Variants in ZNF695 observed in about 807,000 individuals in gnomAD.
ZNF695 encodes zinc finger protein 695, also known as zinc finger protein SBZF3.
Under a neutral mutation model 11.2 loss-of-function variants are expected in ZNF695, and 11 were observed. The observed-to-expected ratio is 0.98, with a 90% CI of 0.62 to 1.62. ZNF695 has a LOEUF of 1.62. Ranked by LOEUF, ZNF695 falls within the 40% of genes most tolerant of loss-of-function variation. ZNF695 has a pLI of 0.00. For synonymous variants in ZNF695, 190 were observed against 201.4 expected (o/e 0.94, Z 0.48); for missense variants, 559 against 590.5 (o/e 0.95, Z 0.55).
In ZNF695 at chr1:246,974,167, A is replaced by AC. The variant is rs755622027; in HGVS notation, c.391-6376_391-6375insG. Among the ~76,000 whole-genome samples the AC allele has an allele frequency of 9.0e-4, 137 of 151,924 alleles. 2 individuals are homozygous for AC. The highest frequency in any genetic ancestry group is 3.0e-3 in the African/African-American group (125 of 41,492). ...TAAAAAACAAACAAACAAACAAAAA[A>AC]AAACAAACAAAAAACAACAACAAAA... On this transcript the variant is annotated intron_variant, in intron 4 of 5. Transcript: ENST00000487338.
intron 5 of ZNF695, among the ~76,000 whole-genome samples, chr1:246,956,382 G>T (rs148057182): frequency 0.083 from 12,620 of 151,542 alleles, 937 homozygotes; most frequent in African/African-American, 0.2. Context: ...CTGGGAGGCT[G>T]AGGCAGGCAG....
chr1:246,958,470 C>G (rs1213689206), intron 5 of ZNF695, among the ~76,000 whole-genome samples: 1 of 152,134 alleles, frequency 6.6e-6, no homozygotes, highest in Non-Finnish European at 1.5e-5. Context: ...TTTTCCTTCT[C>G]TCTTGGGATC....
intron 5 of ZNF695, among the ~76,000 whole-genome samples, chr1:246,947,336 GCTTC>G (rs1224014042): frequency 1.3e-5 from 2 of 151,814 alleles, no homozygotes; most frequent in African/African-American, 4.8e-5. Context: ...CAATCCCCCT[GCTTC>G]AGCCTCTTGA....
rs1668821122 is a variant in ZNF695 at position 246,985,397 on chromosome 1, T to C, written c.*1570A>G. On this transcript the variant is annotated 3_prime_UTR_variant, in exon 4 of 4. Coordinates refer to ENST00000339986, the MANE Select transcript of ZNF695 (RefSeq NM_020394.5). ...GTCATTACAAAAAGAGCAAACAGAATGAAGGTGTAACGTGTGGGAACAATA... is the reference window on the plus strand; with the variant it reads ...GTCATTACAAAAAGAGCAAACAGAACGAAGGTGTAACGTGTGGGAACAATA... The C allele has an allele frequency of 1.0e-6, 1 of 985,334 alleles. No individual in the cohort carries two copies. Among genetic ancestry groups the C allele is most frequent in the Non-Finnish European group, 1.2e-6 (1 of 829,884 alleles). 61.0% of individuals were successfully genotyped at this position (985,334 alleles called of 1,614,324 possible). A position where few individuals can be genotyped will look rare whatever the true frequency, so the allele number is the denominator to read the frequency against.
intron 3 of ZNF695, among the ~76,000 whole-genome samples, chr1:246,994,449 G>A (rs1455831220): frequency 6.6e-6 from 1 of 152,138 alleles, no homozygotes; most frequent in Non-Finnish European, 1.5e-5. Context: ...GCTGAGGCAG[G>A]AGAATCGCTT....
chr1:247,002,013 C>A (rs1019167968), intron 1 of ZNF695, among the ~76,000 whole-genome samples: 1 of 152,050 alleles, frequency 6.6e-6, no homozygotes, highest in Non-Finnish European at 1.5e-5. Context: ...ACAGAACACT[C>A]CATTCAACAA....
At chr1:246,983,818 AAAAC>A (rs545442322), downstream of ZNF695, among the ~76,000 whole-genome samples, 3 of 150,326 alleles carry the variant, frequency 2.0e-5, no homozygotes, top group Non-Finnish European at 3.0e-5. Context: ...ACTCAGTCTC[AAAAC>A]AAACAAACAA....
chr1:246,987,579 A>C lies in ZNF695; in HGVS notation c.936T>G (p.Thr312=). The C allele has an allele frequency of 6.3e-7, 1 of 1,598,026 alleles. No individual in the cohort carries two copies. The highest frequency in any genetic ancestry group is 8.5e-7 in the Non-Finnish European group (1 of 1,174,126). The change falls in exon 4 of 4, where the codon ACT becomes ACG. Residue 312 remains threonine (T), a synonymous_variant. Coordinates refer to ENST00000339986, the MANE Select transcript of ZNF695 (RefSeq NM_020394.5). ...CTCTACTATGAATTCTCTTGTGTTG[A>C]GTAAGGTATGGGAACAACTTAAAGG... is the stretch of plus-strand genomic sequence containing the variant. The part of the protein sequence containing the change: ...GKSFKLFPYL[T]QHKRIHSREK...
At chr1:246,989,173 G>A (rs1668950520) in intron 3 of ZNF695, among the ~76,000 whole-genome samples, 1 of 151,764 alleles carries the variant, frequency 6.6e-6, no homozygotes. Flanking sequence ...GCTGAGGCAG[G>A]AGAATCGCTT....
intron 5 of ZNF695, chr1:246,945,949 G>T: frequency 7.9e-7 from 1 of 1,271,350 alleles, no homozygotes; most frequent in Non-Finnish European, 1.1e-6. Flanking sequence ...AAGTCTGTCT[G>T]TCCCTTGCCA....
At chr1:246,959,282 CAAAAAAAAAAAAAAAA>C (rs1189262229) in intron 5 of ZNF695, among the ~76,000 whole-genome samples, 1 of 7,428 alleles carries the variant, frequency 1.3e-4, no homozygotes, top group Non-Finnish European at 2.1e-4. Flanking sequence ...GACCCTGTCT[CAAAAAAAAAAAAAAAA>C]AAAAAAAAAA....
At chr1:246,980,449 C>G (rs1030965845), downstream of ZNF695, among the ~76,000 whole-genome samples, 1 of 143,576 alleles carries the variant, frequency 7.0e-6, no homozygotes, top group South Asian at 2.2e-4. Flanking sequence ...CAGACTCTTA[C>G]TCTGTCGCTC....
chr1:246,995,562 G>A (rs2103028581), intron 3 of ZNF695, among the ~76,000 whole-genome samples: 1 of 152,250 alleles, frequency 6.6e-6, no homozygotes, highest in East Asian at 1.9e-4. Flanking sequence ...ACGCGCAGTG[G>A]CTCATGCCTG....
At position 246,986,992 on chromosome 1, in the gene ZNF695, G is replaced by T; in HGVS notation, c.1523C>A (p.Ala508Asp). 1 of 1,590,390 alleles carries T rather than the reference G, an allele frequency of 6.3e-7. No homozygotes were observed. The highest frequency in any genetic ancestry group is 8.5e-7 in the Non-Finnish European group (1 of 1,171,012). ...TCAGGTATGAGTTTTCTCATGTACA[G>T]CAAGTTGTGCAGAGTGGTTAAAGGC... ...GKAFNHSAQL[A>D]VHEKTHT The change falls in exon 4 of 4, where the codon GCT becomes GAT. Residue 508 changes from alanine (A) to aspartate (D), a missense_variant. Physicochemically the swap from Ala to Asp is moderately radical, Grantham distance 126. Transcript: ENST00000339986.
At chr1:246,954,708 C>T (rs896557120) in intron 5 of ZNF695, among the ~76,000 whole-genome samples, 21 of 152,272 alleles carry the variant, frequency 1.4e-4, no homozygotes, top group Admixed American at 3.3e-4. Flanking sequence ...CTGGATTAGA[C>T]GATCTCTCAG....
chr1:246,974,142 TAA>T (rs963537852), intron 4 of ZNF695, among the ~76,000 whole-genome samples: 4 of 83,248 alleles, frequency 4.8e-5, no homozygotes, highest in Non-Finnish European at 8.9e-5. Flanking sequence ...TTATTTGGAA[TAA>T]AAAACAAACA....
intron 4 of ZNF695, chr1:246,967,806 G>A (rs2103009909): frequency 3.0e-6 from 1 of 336,994 alleles, no homozygotes. Context: ...GCAGGAGAGA[G>A]AGAGCAAAGG....
At chr1:247,007,794 T>C (rs1439489097) in intron 1 of ZNF695, 112 bp downstream of exon 1, 2 of 1,341,104 alleles carry the variant, frequency 1.5e-6, no homozygotes, top group Non-Finnish European at 2.0e-6. Flanking sequence ...GGCCGCACAC[T>C]CCGGAGCCGA....
chr1:246,995,047 C>T (rs866800721), intron 3 of ZNF695, among the ~76,000 whole-genome samples: 3 of 152,056 alleles, frequency 2.0e-5, no homozygotes, highest in Admixed American at 6.6e-5. Context: ...ACACAGGGAA[C>T]GGGGGACTTG....
Sources: allele counts gnomAD v4.1 joint callset (sites outside exome capture counted in the v4.1 genomes callset), GRCh38; gene constraint gnomAD v4.1.1; transcripts MANE v1.5; gene names NCBI Gene and HGNC (gene_info 2026-07-23, HGNC 2026-07-21).